Variants in SDC2 observed in about 807,000 individuals in gnomAD.
SDC2 encodes syndecan-2.
SDC2 carries 13 observed loss-of-function variants against 22.2 expected under a neutral mutation model. The ratio of observed to expected loss-of-function variants is 0.59; its 90% CI spans 0.38 to 0.93. The LOEUF is 0.93. Ranked by LOEUF, SDC2 falls within the 40% of genes least tolerant of loss-of-function variation. The probability of loss-of-function intolerance (pLI) is 0.00; values close to 1 mark genes in which losing one functional copy is unlikely to be tolerated. For synonymous variants in SDC2, 94 were observed against 92.8 expected, an observed-to-expected ratio of 1.01 and a Z score of -0.07; for missense variants, 235 against 246.8, an observed-to-expected ratio of 0.95 and a Z score of 0.32.
intron 1 of SDC2, among the ~76,000 whole-genome samples, chr8:96,582,448 A>T (rs541090346): frequency 2.6e-5 from 4 of 152,302 alleles, no homozygotes; most frequent in Admixed American, 2.6e-4. Context: ...CGTCAGCTTT[A>T]GATTTATTCC....
chr8:96,510,862 C>T (rs1240340991), intron 1 of SDC2, among the ~76,000 whole-genome samples: 1 of 152,128 alleles, frequency 6.6e-6, no homozygotes, highest in African/African-American at 2.4e-5. Flanking sequence ...GAATTCTCTT[C>T]GTTCTCCCCG....
chr8:96,510,443 CTAT>C (rs1397383829), intron 1 of SDC2, among the ~76,000 whole-genome samples: 1 of 152,306 alleles, frequency 6.6e-6, no homozygotes, highest in Middle Eastern at 3.4e-3. Flanking sequence ...ATCATCTAAT[CTAT>C]TCATAGTTTA....
At chr8:96,528,405 C>T (rs576195551) in intron 1 of SDC2, among the ~76,000 whole-genome samples, 69 of 152,124 alleles carry the variant, frequency 4.5e-4, no homozygotes, top group African/African-American at 1.6e-3. Flanking sequence ...AAAAAACACA[C>T]GGTATTCATT....
chr8:96,511,788 G>A (rs1236690332), intron 1 of SDC2, among the ~76,000 whole-genome samples: 1 of 142,632 alleles, frequency 7.0e-6, no homozygotes, highest in African/African-American at 3.0e-5. Context: ...AGGCTTATGT[G>A]ATTTTTTTTT....
chr8:96,569,343 C>G (rs560750974), intron 1 of SDC2, among the ~76,000 whole-genome samples: 4 of 152,160 alleles, frequency 2.6e-5, no homozygotes, highest in Non-Finnish European at 5.9e-5. Flanking sequence ...CCTAGATATC[C>G]TTTCCTCCAT....
chr8:96,607,764 C>T (rs1815106492), intron 3 of SDC2, among the ~76,000 whole-genome samples: 2 of 152,104 alleles, frequency 1.3e-5, no homozygotes, highest in South Asian at 2.1e-4. Flanking sequence ...GGAGGAGCTA[C>T]TTGCGCAATC....
intron 1 of SDC2, among the ~76,000 whole-genome samples, chr8:96,532,758 G>A (rs114159268): frequency 2.0e-5 from 3 of 152,034 alleles, no homozygotes; most frequent in African/African-American, 4.8e-5. Context: ...GAGTACATCC[G>A]GGCTATGCAT....
chr8:96,595,773 C>T (rs951862521), intron 2 of SDC2, among the ~76,000 whole-genome samples: 70 of 152,232 alleles, frequency 4.6e-4, no homozygotes, highest in African/African-American at 1.5e-3. Flanking sequence ...ATGACTTTGC[C>T]AACCTCTACA....
At chr8:96,602,289 G>C in intron 2 of SDC2, 106 bp from the exon 3 acceptor site, 1 of 1,191,074 alleles carries the variant, frequency 8.4e-7, no homozygotes, top group Non-Finnish European at 1.2e-6. Flanking sequence ...CCAGCATTTT[G>C]AAAGAACATG....
At chr8:96,550,420 A>G (rs1814008562) in intron 1 of SDC2, among the ~76,000 whole-genome samples, 1 of 152,220 alleles carries the variant, frequency 6.6e-6, no homozygotes. Flanking sequence ...AGCATTTTGG[A>G]TAAGGGACAC....
chr8:96,497,085 G>A (rs896971639), intron 1 of SDC2, among the ~76,000 whole-genome samples: 5 of 151,970 alleles, frequency 3.3e-5, no homozygotes, highest in African/African-American at 1.2e-4. Flanking sequence ...AAAAGGAAGT[G>A]TTTTGAACTA....
chr8:96,566,514 G>A (rs1230443495), intron 1 of SDC2, among the ~76,000 whole-genome samples: 1 of 151,876 alleles, frequency 6.6e-6, no homozygotes, highest in Non-Finnish European at 1.5e-5. Flanking sequence ...ATTTTGTTTG[G>A]GTGTGTTTTC....
At chr8:96,506,955 G>A (rs980242954) in intron 1 of SDC2, among the ~76,000 whole-genome samples, 1 of 149,884 alleles carries the variant, frequency 6.7e-6, no homozygotes, top group Admixed American at 6.6e-5. Context: ...ATTGCGGTGA[G>A]CCGAGATCAC....
intron 1 of SDC2, among the ~76,000 whole-genome samples, chr8:96,554,309 C>A (rs1262088878): frequency 6.6e-6 from 1 of 152,110 alleles, no homozygotes; most frequent in Non-Finnish European, 1.5e-5. Flanking sequence ...AAGTTAACTT[C>A]TAAATTTTAA....
chr8:96,597,298 G>C (rs961237695), intron 2 of SDC2, among the ~76,000 whole-genome samples: 4 of 152,158 alleles, frequency 2.6e-5, no homozygotes, highest in African/African-American at 9.7e-5. Context: ...CTCCCCTCTG[G>C]GAAGCTGGAC....
intron 1 of SDC2, among the ~76,000 whole-genome samples, chr8:96,590,894 G>T (rs745914765): frequency 6.6e-5 from 10 of 152,142 alleles, no homozygotes; most frequent in Non-Finnish European, 1.0e-4. Context: ...CCACCCGGGA[G>T]CCCTGTAGAC....
At chr8:96,564,565 A>G (rs2589194) in intron 1 of SDC2, among the ~76,000 whole-genome samples, 10,802 of 152,190 alleles carry the variant, frequency 0.071, 1,266 homozygotes, top group African/African-American at 0.24. Context: ...AGGGTCTCTA[A>G]TTTAATGGAC....
At chr8:96,566,716 T>A (rs1000011844) in intron 1 of SDC2, among the ~76,000 whole-genome samples, 1 of 151,454 alleles carries the variant, frequency 6.6e-6, no homozygotes, top group Admixed American at 6.6e-5. Flanking sequence ...ATTAATTTTT[T>A]GTTATAATTA....
At chr8:96,585,892 C>G (rs1231862166) in intron 1 of SDC2, among the ~76,000 whole-genome samples, 1 of 143,932 alleles carries the variant, frequency 6.9e-6, no homozygotes, top group Non-Finnish European at 1.5e-5. Context: ...TGGTGGGGGT[C>G]GCAGTTAATG....
Sources: allele counts gnomAD v4.1 joint callset (sites outside exome capture counted in the v4.1 genomes callset), GRCh38; gene constraint gnomAD v4.1.1; transcripts MANE v1.5; gene names NCBI Gene and HGNC (gene_info 2026-07-23, HGNC 2026-07-21).